The following METTL15 variants were observed in gnomAD, a reference collection of about 807,000 sequenced individuals.
METTL15 encodes the protein methyltransferase 15, mitochondrial 12S rRNA N4-cytidine.
METTL15 carries 34 observed loss-of-function variants against 38.3 expected under a neutral mutation model. The ratio of observed to expected loss-of-function variants is 0.89; its 90% CI spans 0.68 to 1.18. METTL15 has a LOEUF of 1.18. METTL15 is among the 50% of genes most tolerant of loss of function. METTL15 has a pLI of 0.00. For missense variants in METTL15, 438 were observed against 498.4 expected, an observed-to-expected ratio of 0.88 and a Z score of 1.15; for synonymous variants, 162 against 170.9, an observed-to-expected ratio of 0.95 and a Z score of 0.41.
intron 5 of METTL15, among the ~76,000 whole-genome samples, chr11:28,405,731 A>C (rs1850667808): frequency 6.6e-6 from 1 of 152,294 alleles, no homozygotes; most frequent in East Asian, 1.9e-4. Context: ...TCTGCAGCAC[A>C]TGCTATGTAG....
At chr11:28,338,833 C>T (rs377149961) in intron 3 of METTL15, among the ~76,000 whole-genome samples, 1 of 152,112 alleles carries the variant, frequency 6.6e-6, no homozygotes, top group Non-Finnish European at 1.5e-5. Flanking sequence ...AACCATCCCA[C>T]TTACAACAAC....
chr11:28,384,310 CT>C (rs1000189684), intron 5 of METTL15, among the ~76,000 whole-genome samples: 1 of 149,308 alleles, frequency 6.7e-6, no homozygotes, highest in African/African-American at 2.5e-5. Context: ...GTTTTTCTTT[CT>C]TTCTTTTTTT....
intron 6 of METTL15, among the ~76,000 whole-genome samples, chr11:28,523,616 G>A (rs1423793362): frequency 6.6e-6 from 1 of 152,106 alleles, no homozygotes; most frequent in Non-Finnish European, 1.5e-5. Flanking sequence ...AACTAATTCT[G>A]AAGTTATGAT....
At chr11:28,173,900 G>C (rs2133767770) in intron 3 of METTL15, among the ~76,000 whole-genome samples, 1 of 152,280 alleles carries the variant, frequency 6.6e-6, no homozygotes, top group Admixed American at 6.5e-5. Flanking sequence ...ATGGGTTTCG[G>C]GGAGGAAGAC....
rs181432963 is a variant in METTL15, at chr11:28,267,237, A to G, written c.408-22969A>G. Reference sequence around the variant, plus strand: ...GCCCTCCAGTGTCTAGTCTCTTCCTACTTCTTTGCCCCTTGTTCACTTTGG... The same window carrying G: ...GCCCTCCAGTGTCTAGTCTCTTCCTGCTTCTTTGCCCCTTGTTCACTTTGG... On this transcript the variant is annotated intron_variant, in intron 4 of 6. Coordinates refer to ENST00000407364, the MANE Select transcript of METTL15 (RefSeq NM_001113528.2). Among the ~76,000 whole-genome samples, 12 of 150,268 alleles carry G rather than the reference A, an allele frequency of 8.0e-5. No homozygotes were observed. The East Asian group carries it at 2.0e-3, about 24-fold the overall frequency.
intron 3 of METTL15, among the ~76,000 whole-genome samples, chr11:28,117,953 C>G (rs965550581): frequency 6.6e-6 from 1 of 152,118 alleles, no homozygotes; most frequent in Non-Finnish European, 1.5e-5. Flanking sequence ...TTACTATTAC[C>G]TTTTTCTGCA....
intron 4 of METTL15, among the ~76,000 whole-genome samples, chr11:28,260,877 C>T (rs1210328787): frequency 1.3e-5 from 2 of 152,098 alleles, no homozygotes; most frequent in Non-Finnish European, 2.9e-5. Flanking sequence ...TAACCATAGG[C>T]TGTAGGGTAG....
chr11:28,413,249 A>G (rs7111792), intron 5 of METTL15, among the ~76,000 whole-genome samples: 151,123 of 152,130 alleles, frequency 0.99, 75,072 homozygotes, highest in Middle Eastern at 1. Flanking sequence ...TTTATTCTTT[A>G]CCTCTTAATT....
At chr11:28,452,758 C>T (rs944137959) in intron 6 of METTL15, among the ~76,000 whole-genome samples, 1 of 152,134 alleles carries the variant, frequency 6.6e-6, no homozygotes, top group Admixed American at 6.5e-5. Flanking sequence ...ATCACTGCCC[C>T]CGTTGAGTGC....
chr11:28,217,590 T>C (rs1590173763), intron 4 of METTL15, among the ~76,000 whole-genome samples: 1 of 152,330 alleles, frequency 6.6e-6, no homozygotes, highest in South Asian at 2.1e-4. Flanking sequence ...ATTTTGGCTT[T>C]TGTTCCCATT....
intron 3 of METTL15, among the ~76,000 whole-genome samples, chr11:28,144,668 A>G (rs1486440131): frequency 6.6e-6 from 1 of 152,006 alleles, no homozygotes; most frequent in Non-Finnish European, 1.5e-5. Context: ...GAATAATGCA[A>G]CCATTTATGT....
intron 3 of METTL15, among the ~76,000 whole-genome samples, chr11:28,174,443 G>T (rs1203476993): frequency 6.6e-6 from 1 of 152,002 alleles, no homozygotes; most frequent in Non-Finnish European, 1.5e-5. Flanking sequence ...GTAATATGCA[G>T]CATTATTTCA....
intron 4 of METTL15, among the ~76,000 whole-genome samples, chr11:28,223,431 A>G (rs1489348101): frequency 6.6e-6 from 1 of 152,156 alleles, no homozygotes; most frequent in Non-Finnish European, 1.5e-5. Context: ...GGATCGATCA[A>G]TGGATAGTTG....
At chr11:28,290,480 A>G (rs955687813) in intron 5 of METTL15, 83 bp downstream of exon 5, 2 of 1,331,852 alleles carry the variant, frequency 1.5e-6, no homozygotes, top group East Asian at 4.6e-5. Flanking sequence ...TTAAGACTAC[A>G]GAATTTCCAT....
intron 5 of METTL15, among the ~76,000 whole-genome samples, chr11:28,390,395 T>C (rs1023375014): frequency 6.3e-4 from 96 of 152,112 alleles, no homozygotes; most frequent in African/African-American, 2.2e-3. Context: ...CATCTTGAAT[T>C]AATTTTTGTA....
intron 4 of METTL15, among the ~76,000 whole-genome samples, chr11:28,288,183 C>T (rs558524559): frequency 6.2e-4 from 95 of 152,112 alleles, no homozygotes; most frequent in African/African-American, 2.3e-3. Context: ...GGCGAGGTTG[C>T]AGAGAAAAAG....
intron 3 of METTL15, among the ~76,000 whole-genome samples, chr11:28,181,340 G>C (rs1353021579): frequency 2.0e-5 from 3 of 146,350 alleles, no homozygotes; most frequent in African/African-American, 7.5e-5. Flanking sequence ...TACGTGCCAT[G>C]GTGGTTTGCC....
At chr11:28,271,721 G>A (rs1352637845) in intron 4 of METTL15, among the ~76,000 whole-genome samples, 2 of 152,082 alleles carry the variant, frequency 1.3e-5, no homozygotes, top group East Asian at 3.9e-4. Flanking sequence ...ATTGAAAATT[G>A]GGATCTAATT....
At chr11:28,373,529 A>G (rs1216724835) in intron 5 of METTL15, among the ~76,000 whole-genome samples, 2 of 152,174 alleles carry the variant, frequency 1.3e-5, no homozygotes, top group African/African-American at 4.8e-5. Context: ...CCGTTGTCAG[A>G]TGAGGAGGTT....
Sources: allele counts gnomAD v4.1 joint callset (sites outside exome capture counted in the v4.1 genomes callset), GRCh38; gene constraint gnomAD v4.1.1; transcripts MANE v1.5; gene names NCBI Gene and HGNC (gene_info 2026-07-23, HGNC 2026-07-21).